YJU2: variants seen among roughly 807,000 people sequenced by gnomAD.
The protein encoded by YJU2 is YJU2 splicing factor homolog.
In YJU2, 28 loss-of-function variants were observed where a neutral mutation model predicts 39.6. The observed-to-expected ratio is 0.71, with a 90% confidence interval of 0.52 to 0.97. The LOEUF (loss-of-function observed/expected upper bound fraction) is 0.97. YJU2 is among the 50% of genes least tolerant of loss of function. The pLI, the probability that YJU2 is intolerant of heterozygous loss-of-function variation, is 0.00. For synonymous variants in YJU2, 184 were observed against 182.4 expected (o/e 1.01, Z -0.07); for missense variants, 328 against 430.4 (o/e 0.76, Z 2.11).
At chr19:4,259,293 A>C (rs1173168352) in intron 5 of YJU2, among the ~76,000 whole-genome samples, 1 of 151,442 alleles carries the variant, frequency 6.6e-6, no homozygotes, top group East Asian at 2.0e-4. Context: ...GTTAGCCAGG[A>C]TGGTCTCGAT....
At chr19:4,249,083 A>T in intron 1 of YJU2, 145 bp from the exon 2 acceptor site, 2 of 609,022 alleles carry the variant, frequency 3.3e-6, no homozygotes, top group South Asian at 3.8e-5. Context: ...GACTGTACTG[A>T]GTCCTGCGAG....
At chr19:4,247,374 GC>G in intron 1 of YJU2, 1 of 552,550 alleles carries the variant, frequency 1.8e-6, no homozygotes, top group South Asian at 2.2e-5. Context: ...TCCCTTCTGG[GC>G]TGGGGTGTAG....
chr19:4,258,612 A>T (rs1370942681), intron 5 of YJU2, among the ~76,000 whole-genome samples, 189 bp downstream of exon 5: 1 of 152,190 alleles, frequency 6.6e-6, no homozygotes, highest in African/African-American at 2.4e-5. Context: ...GGGCACGGTG[A>T]CTTAGCACGT....
intron 3 of YJU2, among the ~76,000 whole-genome samples, chr19:4,253,226 C>T (rs1599497290): frequency 6.6e-6 from 1 of 150,966 alleles, no homozygotes; most frequent in African/African-American, 2.5e-5. Flanking sequence ...CACACACACA[C>T]ACACACACAC....
At chr19:4,260,921 A>G (rs181452599) in intron 5 of YJU2, among the ~76,000 whole-genome samples, 14 of 152,316 alleles carry the variant, frequency 9.2e-5, no homozygotes, top group Admixed American at 7.2e-4. Context: ...AGAAGCCAGG[A>G]TGCGTGAGCT....
chr19:4,249,279 C>T lies in YJU2; in HGVS notation c.76C>T (p.Pro26Ser). Residue 26 changes from proline (P) to serine (S), a missense_variant, in exon 2 of 8, where the codon CCC (proline) becomes TCC (serine). By Grantham distance (74) the Pro-to-Ser change is moderately conservative. Transcript: ENST00000262962. ...DPSKIPKLKLPKDRQYVVRLM... is the reference protein window; with the variant it reads ...DPSKIPKLKLSKDRQYVVRLM... ...ATCAAAGATCCCCAAACTCAAGCTCCCCAAAGACCGGCAGTACGTGGTGCG... is the reference window on the plus strand; with the variant it reads ...ATCAAAGATCCCCAAACTCAAGCTCTCCAAAGACCGGCAGTACGTGGTGCG... 1 of 1,613,988 alleles carries T rather than the reference C, an allele frequency of 6.2e-7. No homozygotes were observed. Among genetic ancestry groups the T allele is most frequent in the East Asian group, 2.2e-5 (1 of 44,882 alleles).
In YJU2 at chr19:4,267,710, G is replaced by A. The variant is rs376345157; in HGVS notation, c.795G>A (p.Val265=). ...GGCCCCCGCTGTCGAGGCTGGTCGT[G>A]GTGAAGAAGGCAAAGGCCGACCCGG... The part of the protein sequence containing the change: ...GSRPPLSRLV[V]VKKAKADPDC... The change falls in exon 7 of 8, where the codon GTG becomes GTA. Residue 265 remains valine (V), a synonymous_variant. Coordinates refer to ENST00000262962, the MANE Select transcript of YJU2 (RefSeq NM_018074.6). 2.5e-6 allele frequency: 4 copies of A among 1,613,216 alleles called. No homozygotes were observed. The highest frequency in any genetic ancestry group is 3.4e-6 in the Non-Finnish European group (4 of 1,179,924).
At chr19:4,265,897 C>A (rs1040724982) in intron 6 of YJU2, among the ~76,000 whole-genome samples, 3 of 151,926 alleles carry the variant, frequency 2.0e-5, no homozygotes, top group Admixed American at 2.0e-4. Flanking sequence ...CTGTGCCTGG[C>A]CATCTGTGCC....
At chr19:4,262,328 A>G in intron 6 of YJU2, among the ~76,000 whole-genome samples, 1 of 152,110 alleles carries the variant, frequency 6.6e-6, no homozygotes, top group Non-Finnish European at 1.5e-5. Context: ...CCTCCCGAGT[A>G]GCTGGGACTA....
At chr19:4,250,706 G>A (rs908209722) in intron 2 of YJU2, among the ~76,000 whole-genome samples, 8 of 152,162 alleles carry the variant, frequency 5.3e-5, no homozygotes, top group African/African-American at 1.9e-4. Flanking sequence ...TTTCTGTGTG[G>A]CATCTTTCCT....
intron 6 of YJU2, among the ~76,000 whole-genome samples, chr19:4,263,137 G>A (rs553772984): frequency 1.3e-5 from 2 of 151,066 alleles, no homozygotes; most frequent in East Asian, 1.9e-4. Flanking sequence ...TCTGTAATTC[G>A]CCAACCCCTG....
At position 4,269,055 on chromosome 19, in the gene YJU2, A is replaced by G. The variant is rs142828879; in HGVS notation, c.*359A>G. 1,282 of 219,098 alleles carry G rather than the reference A, an allele frequency of 5.9e-3. 5 individuals carry two copies. The highest frequency in any genetic ancestry group is 0.011 in the Admixed American group (218 of 19,080). 13.6% of individuals were successfully genotyped at this position (219,098 alleles called of 1,614,324 possible). A position where few individuals can be genotyped will look rare whatever the true frequency, so the allele number is the denominator to read the frequency against. ...GATGGCCTCATCTCTTCCTTCCACA[A>G]ACTGTCTAGAACCAATAAAAGGAAA... is the stretch of plus-strand genomic sequence containing the variant. On this transcript the variant is annotated 3_prime_UTR_variant, in exon 8 of 8. Transcript: ENST00000262962.
At chr19:4,257,250 G>A (rs1258166833) in intron 4 of YJU2, among the ~76,000 whole-genome samples, 1 of 151,954 alleles carries the variant, frequency 6.6e-6, no homozygotes, top group Non-Finnish European at 1.5e-5. Context: ...TTAGCCCAGG[G>A]CCCGGTGTAC....
chr19:4,247,808 A>G lies in YJU2; in HGVS notation c.24+638A>G, dbSNP rs115788157. On this transcript the variant is annotated intron_variant, in intron 1 of 7. Coordinates refer to ENST00000262962, the MANE Select transcript of YJU2 (RefSeq NM_018074.6). Reference sequence around the variant, plus strand: ...TAACCTCTGCCTGACAGTGGCCAAGATTCCAGACTCCCAGAAGAAAAGCAG... The same window carrying G: ...TAACCTCTGCCTGACAGTGGCCAAGGTTCCAGACTCCCAGAAGAAAAGCAG... 9.2e-3 allele frequency among the ~76,000 whole-genome samples: 1,402 copies of G among 151,862 alleles called. 25 individuals are homozygous for G. The highest frequency in any genetic ancestry group is 0.032 in the African/African-American group (1,343 of 41,396).
intron 4 of YJU2, among the ~76,000 whole-genome samples, chr19:4,257,848 C>T (rs537426766): frequency 1.4e-4 from 22 of 152,266 alleles, no homozygotes; most frequent in African/African-American, 4.3e-4. Context: ...GGTGATCCGC[C>T]CGCTCCGGCC....
intron 7 of YJU2, 149 bp downstream of exon 7, chr19:4,267,923 G>A (rs1971129954): frequency 8.3e-6 from 5 of 605,080 alleles, no homozygotes; most frequent in Non-Finnish European, 1.4e-5. Flanking sequence ...GAGCAGAGAA[G>A]GCAGGCGGCT....
Position 4,254,378 on chromosome 19 carries a change from C to T in YJU2, c.294C>T (p.Tyr98=), listed in dbSNP as rs11085068. The stretch of plus-strand genomic sequence containing the variant: ...AGACAGACCCTGAAAACACAGACTA[C>T]ACCATGGAGCATGGAGCCACGCGGA... ...TFKTDPENTD[Y]TMEHGATRNF... The change falls in exon 4 of 8, where the codon TAC becomes TAT. Residue 98 remains tyrosine (Y), a synonymous_variant. Transcript: ENST00000262962. 0.32 allele frequency: 508,272 copies of T among 1,611,532 alleles called. 83,624 individuals carry two copies. The highest frequency in any genetic ancestry group is 0.49 in the African/African-American group (36,583 of 74,790).
Position 4,262,108 on chromosome 19 carries a change from G to A in YJU2, c.702G>A (p.Leu234=). The A allele has an allele frequency of 1.2e-6, 2 of 1,609,606 alleles. No homozygotes were observed. Among genetic ancestry groups the A allele is most frequent in the Non-Finnish European group, 1.7e-6 (2 of 1,179,630 alleles). The change falls in exon 6 of 8, where the codon CTG becomes CTA. Residue 234 remains leucine (L), a synonymous_variant. Coordinates refer to ENST00000262962, the MANE Select transcript of YJU2 (RefSeq NM_018074.6). ...TTCGGCCCAACCCCACCGCCATCCTGGATGAGGTAAGTGGGGTGCCTGAGT... is the reference window on the plus strand; with the variant it reads ...TTCGGCCCAACCCCACCGCCATCCTAGATGAGGTAAGTGGGGTGCCTGAGT... ...PALRPNPTAI[L]DEAPKPKRKV...
At chr19:4,251,715 G>A (rs10411002) in intron 3 of YJU2, among the ~76,000 whole-genome samples, 4,781 of 151,016 alleles carry the variant, frequency 0.032, 266 homozygotes, top group African/African-American at 0.11. Flanking sequence ...CAGGCACAGT[G>A]GCTCATGCCT....
Sources: gnomAD v4.1 joint callset for allele counts (sites outside exome capture counted in the v4.1 genomes callset) on GRCh38, gnomAD v4.1.1 for gene constraint, MANE v1.5 for transcripts, NCBI Gene and HGNC (gene_info 2026-07-23, HGNC 2026-07-21) for gene names.